Variants in PPFIA2 observed in about 807,000 individuals in gnomAD.
PPFIA2 encodes liprin-alpha-2.
Under a neutral mutation model 175.5 loss-of-function variants are expected in PPFIA2, and 46 were observed. That is an observed-to-expected ratio of 0.26 (90% CI 0.21 to 0.34). PPFIA2 has a LOEUF of 0.34. Ranked by LOEUF, PPFIA2 falls within the 10% of genes least tolerant of loss-of-function variation. The probability of loss-of-function intolerance (pLI) is 1.00; values close to 1 mark genes in which losing one functional copy is unlikely to be tolerated. For synonymous variants in PPFIA2, 568 were observed against 511.4 expected (o/e 1.11, Z -1.49); for missense variants, 1,179 against 1,506.1 (o/e 0.78, Z 3.60).
At chr12:81,686,499 T>C (rs756584742) in intron 3 of PPFIA2, among the ~76,000 whole-genome samples, 1 of 152,056 alleles carries the variant, frequency 6.6e-6, no homozygotes, top group Non-Finnish European at 1.5e-5. Context: ...TGTCCATTCC[T>C]TTCCATATGG....
At chr12:81,435,172 C>A (rs1566816202) in intron 7 of PPFIA2, among the ~76,000 whole-genome samples, 1 of 152,134 alleles carries the variant, frequency 6.6e-6, no homozygotes, top group Non-Finnish European at 1.5e-5. Context: ...TCTGACCCAC[C>A]AGAGCATAAG....
At chr12:81,615,390 T>C (rs1185804186) in intron 4 of PPFIA2, among the ~76,000 whole-genome samples, 2 of 152,112 alleles carry the variant, frequency 1.3e-5, no homozygotes, top group Admixed American at 1.3e-4. Context: ...CACATTAGCA[T>C]ATAGACTGAA....
chr12:81,669,436 C>G (rs750424183), intron 4 of PPFIA2, among the ~76,000 whole-genome samples: 1 of 151,768 alleles, frequency 6.6e-6, no homozygotes, highest in Non-Finnish European at 1.5e-5. Context: ...AACTCATATG[C>G]CAAGTATTAT....
intron 11 of PPFIA2, among the ~76,000 whole-genome samples, chr12:81,370,483 G>T (rs577614125): frequency 7.9e-5 from 12 of 151,950 alleles, no homozygotes; most frequent in Admixed American, 7.2e-4. Flanking sequence ...ATGATTGAAA[G>T]TCCTCAAATT....
At chr12:81,700,165 C>A (rs1461794719) in intron 3 of PPFIA2, among the ~76,000 whole-genome samples, 1 of 151,966 alleles carries the variant, frequency 6.6e-6, no homozygotes, top group Non-Finnish European at 1.5e-5. Flanking sequence ...ACTCTGTAAT[C>A]CTTTTGGATG....
At chr12:81,483,929 G>C (rs542639975) in intron 4 of PPFIA2, among the ~76,000 whole-genome samples, 4 of 150,852 alleles carry the variant, frequency 2.7e-5, no homozygotes, top group African/African-American at 9.7e-5. Flanking sequence ...TTTTTTTTGG[G>C]TTTGGTGACC....
chr12:81,267,629 T>C (rs1464095406), intron 29 of PPFIA2, among the ~76,000 whole-genome samples: 1 of 152,138 alleles, frequency 6.6e-6, no homozygotes, highest in Non-Finnish European at 1.5e-5. Context: ...AGGCAGAGAC[T>C]GATGGCCATC....
chr12:81,688,802 A>AATAT (rs3075480), intron 3 of PPFIA2, among the ~76,000 whole-genome samples: 50,595 of 140,508 alleles, frequency 0.36, 9,605 homozygotes, highest in East Asian at 0.54. Context: ...TGGTTTATTA[A>AATAT]ATATATATAT....
intron 8 of PPFIA2, among the ~76,000 whole-genome samples, chr12:81,404,708 C>A (rs2042628252): frequency 6.6e-6 from 1 of 152,148 alleles, no homozygotes. Flanking sequence ...AAGCTTCTTT[C>A]CGGAAATTCA....
chr12:81,698,319 T>C (rs995966001), intron 3 of PPFIA2, among the ~76,000 whole-genome samples: 2 of 152,110 alleles, frequency 1.3e-5, no homozygotes, highest in Non-Finnish European at 2.9e-5. Context: ...AGTGCTGTTA[T>C]TGCAGAAGCA....
intron 3 of PPFIA2, among the ~76,000 whole-genome samples, chr12:81,684,049 T>C (rs991030139): frequency 6.6e-6 from 1 of 152,116 alleles, no homozygotes. Flanking sequence ...CACCTCATAG[T>C]AGGTACCATT....
At chr12:81,513,237 A>T (rs2062008335) in intron 4 of PPFIA2, among the ~76,000 whole-genome samples, 1 of 152,072 alleles carries the variant, frequency 6.6e-6, no homozygotes, top group African/African-American at 2.4e-5. Flanking sequence ...ATAATTTAAA[A>T]AGTCAAAAAA....
intron 7 of PPFIA2, chr12:81,430,754 A>G (rs1295540323): frequency 6.6e-6 from 1 of 152,060 alleles, no homozygotes; most frequent in African/African-American, 2.4e-5. Flanking sequence ...TGTTAACCTA[A>G]CTCAAAGGAT....
chr12:81,430,917 G>C (rs2047992035), intron 7 of PPFIA2: 2 of 152,080 alleles, frequency 1.3e-5, no homozygotes, highest in Non-Finnish European at 1.5e-5. Context: ...ATACGCCCAT[G>C]CAAGTTCTTT....
intron 17 of PPFIA2, among the ~76,000 whole-genome samples, chr12:81,350,969 T>C (rs911818701): frequency 1.3e-5 from 2 of 152,098 alleles, no homozygotes; most frequent in African/African-American, 4.8e-5. Context: ...TTAAGAATGG[T>C]TTGTTGATAT....
chr12:81,658,931 C>T (rs1349755807), intron 4 of PPFIA2, among the ~76,000 whole-genome samples: 1 of 151,968 alleles, frequency 6.6e-6, no homozygotes, highest in Non-Finnish European at 1.5e-5. Flanking sequence ...ATTTATATTG[C>T]ACTTTAAATA....
intron 4 of PPFIA2, among the ~76,000 whole-genome samples, chr12:81,526,238 C>T (rs920488682): frequency 6.6e-6 from 1 of 152,168 alleles, no homozygotes; most frequent in South Asian, 2.1e-4. Flanking sequence ...GAACCTCTTA[C>T]TTGGAATGCC....
At position 81,295,042 on chromosome 12, in the gene PPFIA2, G is replaced by A; in HGVS notation, c.2725-7C>T. On this transcript the variant is annotated splice_region_variant and splice_polypyrimidine_tract_variant and intron_variant, in intron 23 of 32. Coordinates refer to ENST00000549396, the MANE Select transcript of PPFIA2 (RefSeq NM_003625.5). ...CAGGCATTCCCAACCAAAGCTGTTA[G>A]ATAGGAAAAAATACACTAACAAATT... 6.2e-7 allele frequency: 1 copy of A among 1,610,116 alleles called. No individual in the cohort carries two copies. The highest frequency in any genetic ancestry group is 8.5e-7 in the Non-Finnish European group (1 of 1,178,712).
At chr12:81,689,084 G>A (rs1209349795) in intron 3 of PPFIA2, among the ~76,000 whole-genome samples, 1 of 150,332 alleles carries the variant, frequency 6.7e-6, no homozygotes, top group Non-Finnish European at 1.5e-5. Flanking sequence ...AGCCTTGGAG[G>A]AATTAGATAG....
Sources: allele counts gnomAD v4.1 joint callset (sites outside exome capture counted in the v4.1 genomes callset), GRCh38; gene constraint gnomAD v4.1.1; transcripts MANE v1.5; gene names NCBI Gene and HGNC (gene_info 2026-07-23, HGNC 2026-07-21).